The following SRPRB variants were observed in gnomAD, a reference collection of about 807,000 sequenced individuals.
SRPRB encodes the protein signal recognition particle receptor subunit beta.
In SRPRB, 20 loss-of-function variants were observed where a neutral mutation model predicts 31.9. That is an observed-to-expected ratio of 0.63 (90% CI 0.44 to 0.91). SRPRB has a LOEUF of 0.91. SRPRB is among the 40% of genes least tolerant of loss of function. The pLI, the probability that SRPRB is intolerant of heterozygous loss-of-function variation, is 0.00. For missense variants in SRPRB, 321 were observed against 324.9 expected (o/e 0.99, Z 0.09); for synonymous variants, 146 against 132.8 (o/e 1.10, Z -0.68).
chr3:133,817,737 C>T (rs546141798), intron 6 of SRPRB, among the ~76,000 whole-genome samples: 15 of 152,258 alleles, frequency 9.9e-5, no homozygotes, highest in South Asian at 4.1e-4. Context: ...TTTCTCCCCA[C>T]TATGACTTAC....
intron 4 of SRPRB, among the ~76,000 whole-genome samples, chr3:133,813,683 T>C (rs1482866999): frequency 1.3e-5 from 2 of 152,266 alleles, no homozygotes; most frequent in African/African-American, 2.4e-5. Context: ...ATTATTCTCT[T>C]TGGGGTACCA....
intron 4 of SRPRB, among the ~76,000 whole-genome samples, chr3:133,813,228 T>C (rs1351864261): frequency 6.6e-6 from 1 of 152,230 alleles, no homozygotes; most frequent in African/African-American, 2.4e-5. Context: ...TTTATCATTC[T>C]TGGAATTCAG....
At chr3:133,797,585 A>C (rs1359556995) in intron 1 of SRPRB, among the ~76,000 whole-genome samples, 1 of 152,190 alleles carries the variant, frequency 6.6e-6, no homozygotes, top group Non-Finnish European at 1.5e-5. Context: ...GGATGGTTGC[A>C]TTTGAGAATG....
chr3:133,819,784 C>G lies in SRPRB; in HGVS notation c.*18C>G. 1 of 1,610,494 alleles carries G rather than the reference C, an allele frequency of 6.2e-7. No homozygotes were observed. ...TTGCCTGAGAGGCAGCTCTAAAGCA[C>G]AAGACCTGGATGTGTGACACACAGT... On this transcript the variant is annotated 3_prime_UTR_variant, in exon 7 of 7. Coordinates refer to ENST00000678299, the MANE Select transcript of SRPRB (RefSeq NM_001379313.1).
At chr3:133,784,232 G>C (rs1309005951) in intron 1 of SRPRB, 1 of 152,272 alleles carries the variant, frequency 6.6e-6, no homozygotes, top group Non-Finnish European at 1.5e-5. Flanking sequence ...TGCTGGAAAA[G>C]AGAAGTGTAA....
chr3:133,817,995 T>C (rs1935395747), intron 6 of SRPRB, among the ~76,000 whole-genome samples: 2 of 152,250 alleles, frequency 1.3e-5, no homozygotes, highest in South Asian at 4.1e-4. Flanking sequence ...TCTGGCTCTT[T>C]GCAGAACAAT....
At chr3:133,822,506 G>C (rs1935489890), downstream of SRPRB, among the ~76,000 whole-genome samples, 2 of 152,280 alleles carry the variant, frequency 1.3e-5, no homozygotes, top group Non-Finnish European at 2.9e-5. Context: ...CCAGGTGCCT[G>C]ACAGTCTACT....
chr3:133,785,347 T>TG (rs1181559957), intron 1 of SRPRB: 1 of 88,604 alleles, frequency 1.1e-5, no homozygotes, highest in African/African-American at 4.9e-5. Context: ...GGGAGGGAGG[T>TG]GGGGGGGTCA....
At chr3:133,799,764 A>G (rs1235012981) in intron 1 of SRPRB, among the ~76,000 whole-genome samples, 1 of 152,146 alleles carries the variant, frequency 6.6e-6, no homozygotes, top group Non-Finnish European at 1.5e-5. Context: ...AGGATTTAGA[A>G]GTAGAAGAGA....
chr3:133,814,023 G>C (rs949804023), intron 4 of SRPRB, among the ~76,000 whole-genome samples: 1 of 152,152 alleles, frequency 6.6e-6, no homozygotes, highest in Non-Finnish European at 1.5e-5. Context: ...ACTATTTTAA[G>C]TTGTAGGCTT....
At position 133,820,295 on chromosome 3, in the gene SRPRB, T is replaced by C. The variant is rs146872693; in HGVS notation, c.*529T>C. On this transcript the variant is annotated 3_prime_UTR_variant, in exon 7 of 7. Coordinates refer to ENST00000678299, the MANE Select transcript of SRPRB (RefSeq NM_001379313.1). ...CCCACATGTGAAGACAGGTACAAAA[T>C]AGCAGAGCCAAGCAGACAGTGGGTC... The C allele has an allele frequency of 7.2e-4, 114 of 157,760 alleles. No homozygotes were observed. Among genetic ancestry groups the C allele is most frequent in the African/African-American group, 2.3e-3 (94 of 41,586 alleles). The allele number at this position is 157,760 out of a possible 1,614,324, so 9.8% of individuals were successfully genotyped here.
At chr3:133,798,940 GAC>G (rs1272382731) in intron 1 of SRPRB, among the ~76,000 whole-genome samples, 1 of 151,818 alleles carries the variant, frequency 6.6e-6, no homozygotes, top group Non-Finnish European at 1.5e-5. Context: ...AAATACTAGA[GAC>G]AGTTACTAGA....
upstream of SRPRB, among the ~76,000 whole-genome samples, chr3:133,802,913 G>A (rs956048565): frequency 5.9e-5 from 9 of 152,060 alleles, no homozygotes; most frequent in African/African-American, 1.4e-4. Context: ...GCCCTCTCCC[G>A]TTGAGGTCCC....
intron 1 of SRPRB, chr3:133,792,661 A>G (rs1934870042): frequency 6.6e-6 from 1 of 152,270 alleles, no homozygotes; most frequent in Admixed American, 6.5e-5. Context: ...CATGCAAGTT[A>G]CGTAAGAAAA....
At position 133,816,944 on chromosome 3, in the gene SRPRB, A is replaced by G; in HGVS notation, c.602+12A>G. The G allele has an allele frequency of 6.2e-7, 1 of 1,607,552 alleles. No individual in the cohort carries two copies. Among genetic ancestry groups the G allele is most frequent in the Non-Finnish European group, 8.5e-7 (1 of 1,177,088 alleles). ...CTGGAGAAAGAACTGTAAGTGTGAA[A>G]GAGGCCTGTTGGTTAATTATATATC... On this transcript the variant is annotated intron_variant, in intron 6 of 6. Coordinates refer to ENST00000678299, the MANE Select transcript of SRPRB (RefSeq NM_001379313.1).
downstream of SRPRB, chr3:133,828,412 G>T (rs1935606126): frequency 5.6e-6 from 2 of 359,096 alleles, no homozygotes. Context: ...TGTGGAAAAG[G>T]TTCTCTATAA....
intron 1 of SRPRB, chr3:133,794,003 G>A (rs1282352188): frequency 1.3e-5 from 2 of 152,118 alleles, no homozygotes; most frequent in Admixed American, 6.5e-5. Context: ...TACTGAAACT[G>A]TTTAGATATA....
intron 6 of SRPRB, 114 bp from the exon 7 acceptor site, chr3:133,819,439 A>C: frequency 2.1e-6 from 2 of 936,656 alleles, no homozygotes. Context: ...TTAATAGCAT[A>C]ATTGGCAATT....
chr3:133,805,747 A>T (rs60142346), upstream of SRPRB: 55 of 1,452,236 alleles, frequency 3.8e-5, no homozygotes, highest in Non-Finnish European at 4.9e-5. Context: ...GGGAGAGACT[A>T]TGGCTTAGGA....
Sources: gnomAD v4.1 joint callset for allele counts (sites outside exome capture counted in the v4.1 genomes callset) on GRCh38, gnomAD v4.1.1 for gene constraint, MANE v1.5 for transcripts, NCBI Gene and HGNC (gene_info 2026-07-23, HGNC 2026-07-21) for gene names.